The following TRIM72 variants were observed in gnomAD, a reference collection of about 807,000 sequenced individuals.
The protein encoded by TRIM72 is tripartite motif containing 72, also known as tripartite motif-containing protein 72.
A neutral mutation model predicts 31.6 loss-of-function variants in TRIM72; 33 were observed. The observed-to-expected ratio is 1.04, with a 90% CI of 0.79 to 1.40. The LOEUF is 1.40. Ranked by LOEUF, TRIM72 falls within the 40% of genes most tolerant of loss-of-function variation. The probability of loss-of-function intolerance (pLI) is 0.00; values close to 1 mark genes in which losing one functional copy is unlikely to be tolerated. For synonymous variants in TRIM72, 301 were observed against 314.4 expected, an observed-to-expected ratio of 0.96 and a Z score of 0.45; for missense variants, 666 against 682.7, an observed-to-expected ratio of 0.98 and a Z score of 0.27.
rs1045470372 is a variant in TRIM72, at chr16:31,215,712, C to T, written c.390+584C>T. Among the ~76,000 whole-genome samples, 1 of 152,198 alleles carries T rather than the reference C, an allele frequency of 6.6e-6. No individual in the cohort carries two copies. The highest frequency in any genetic ancestry group is 1.5e-5 in the Non-Finnish European group (1 of 68,038). On this transcript the variant is annotated intron_variant, in intron 2 of 6. Coordinates refer to ENST00000322122, the MANE Select transcript of TRIM72 (RefSeq NM_001008274.4). This position sits in a 1 kb window ranked among gnomAD's most constrained non-coding sequence, Gnocchi z 6.3. ...AGGGAGACTGTAAGGGCTAGGCAGC[C>T]GGGATCTGCACTTATGTGTGCGGGC...
chr16:31,216,501 A>C lies in TRIM72; in HGVS notation c.390+1373A>C. 2.1e-6 allele frequency: 1 copy of C among 474,414 alleles called. No homozygotes were observed. The highest frequency in any genetic ancestry group is 3.9e-5 in the Admixed American group (1 of 25,548). 29.4% of individuals were successfully genotyped at this position (474,414 alleles called of 1,614,324 possible). A position where few individuals can be genotyped will look rare whatever the true frequency, so the allele number is the denominator to read the frequency against. ...GCCCGTCTTTATCTGCGAAGAAAGCACAGAACCCATGAAACGGAACAGGGC... is the reference window on the plus strand; with the variant it reads ...GCCCGTCTTTATCTGCGAAGAAAGCCCAGAACCCATGAAACGGAACAGGGC... On this transcript the variant is annotated intron_variant, in intron 2 of 6. Transcript: ENST00000322122. This position sits in a 1 kb window ranked among gnomAD's most constrained non-coding sequence, Gnocchi z 6.7.
At chr16:31,218,654 C>T (rs1313434005) in intron 2 of TRIM72, among the ~76,000 whole-genome samples, 3 of 151,754 alleles carry the variant, frequency 2.0e-5, no homozygotes, top group East Asian at 1.9e-4. Flanking sequence ...TGCACTGCAT[C>T]CTGGGTGACA....
Position 31,229,803 on chromosome 16 carries a change from C to A in TRIM72, c.*5048C>A, listed in dbSNP as rs575918563. 6.6e-6 allele frequency: 1 copy of A among 152,252 alleles called. No individual in the cohort carries two copies. Among genetic ancestry groups the A allele is most frequent in the Non-Finnish European group, 1.5e-5 (1 of 68,098 alleles). 9.4% of individuals were successfully genotyped at this position (152,252 alleles called of 1,614,324 possible). ...TAAAACTGCAAGCAAGAACATTTAT[C>A]GTGGCCAGGTGCAGTGGCTCACGCC... On this transcript the variant is annotated 3_prime_UTR_variant, in exon 7 of 7. Coordinates refer to ENST00000322122, the MANE Select transcript of TRIM72 (RefSeq NM_001008274.4).
intron 2 of TRIM72, among the ~76,000 whole-genome samples, chr16:31,217,706 C>T (rs1394000973): frequency 6.6e-6 from 1 of 151,840 alleles, no homozygotes; most frequent in Admixed American, 6.6e-5. Context: ...CCTCCGCCTC[C>T]CTGGTTCAAG....
At chr16:31,214,587 C>T in intron 1 of TRIM72, 145 bp from the exon 2 acceptor site, 1 of 929,316 alleles carries the variant, frequency 1.1e-6, no homozygotes, top group South Asian at 2.3e-5. Flanking sequence ...CCGTCAGAGT[C>T]CCATCCAGTG....
Position 31,220,763 on chromosome 16 carries a change from G to A in TRIM72, c.718-133G>A, listed in dbSNP as rs138076808. On this transcript the variant is annotated intron_variant, in intron 4 of 6. Transcript: ENST00000322122. The stretch of plus-strand genomic sequence containing the variant: ...TGAGATTACAGGCATGAGCCACCTC[G>A]TCTGGCCTCTTTTAGCTTTTCTGAT... 2.7e-5 allele frequency: 33 copies of A among 1,220,978 alleles called. No homozygotes were observed. The African/African-American group carries it at 3.0e-4, about 11-fold the overall frequency. The allele number at this position is 1,220,978 out of a possible 1,614,324, so 75.6% of individuals were successfully genotyped here. A position where few individuals can be genotyped will look rare whatever the true frequency, so the allele number is the denominator to read the frequency against.
chr16:31,230,802 A>C lies in TRIM72; in HGVS notation c.*6047A>C, dbSNP rs544834980. 1.3e-5 allele frequency: 2 copies of C among 149,660 alleles called. No individual in the cohort carries two copies. Among genetic ancestry groups the C allele is most frequent in the East Asian group, 4.0e-4 (2 of 4,956 alleles). The allele number at this position is 149,660 out of a possible 1,614,324, so 9.3% of individuals were successfully genotyped here. A position where few individuals can be genotyped will look rare whatever the true frequency, so the allele number is the denominator to read the frequency against. On this transcript the variant is annotated 3_prime_UTR_variant, in exon 7 of 7. Coordinates refer to ENST00000322122, the MANE Select transcript of TRIM72 (RefSeq NM_001008274.4). ...TTTTGGATGTTAATCTGACCGGGCC[A>C]GTGCACCTAACTAAATAATAAATAA...
Position 31,215,474 on chromosome 16 carries a change from C to T in TRIM72, c.390+346C>T, listed in dbSNP as rs1400330604. ...CAGGCGGAGCAGGGACTGACCAGCC[C>T]CTGCGGCCCACGCTCGCATTCCTGC... On this transcript the variant is annotated intron_variant, in intron 2 of 6. Coordinates refer to ENST00000322122, the MANE Select transcript of TRIM72 (RefSeq NM_001008274.4). This position sits in a 1 kb window ranked among gnomAD's most constrained non-coding sequence, Gnocchi z 6.3. 6.6e-6 allele frequency among the ~76,000 whole-genome samples: 1 copy of T among 152,110 alleles called. No individual in the cohort carries two copies. The highest frequency in any genetic ancestry group is 2.4e-5 in the African/African-American group (1 of 41,426).
rs928161889 is a variant in TRIM72, at chr16:31,224,956, G to T, written c.*201G>T. Reference sequence around the variant, plus strand: ...CTGTAATCCCAGCACTTTGGGAGACGGAGGCGGGTGGATCACCTGAGGTCA... The same window carrying T: ...CTGTAATCCCAGCACTTTGGGAGACTGAGGCGGGTGGATCACCTGAGGTCA... On this transcript the variant is annotated 3_prime_UTR_variant, in exon 7 of 7. Coordinates refer to ENST00000322122, the MANE Select transcript of TRIM72 (RefSeq NM_001008274.4). The T allele has an allele frequency of 1.5e-4, 69 of 466,342 alleles. No homozygotes were observed. Among genetic ancestry groups the T allele is most frequent in the Middle Eastern group, 5.8e-4 (1 of 1,720 alleles). 28.9% of individuals were successfully genotyped at this position (466,342 alleles called of 1,614,324 possible).
Position 31,219,608 on chromosome 16 carries a change from G to A in TRIM72, c.717+89G>A. On this transcript the variant is annotated intron_variant, in intron 4 of 6. Transcript: ENST00000322122. The surrounding 1 kb of genome is among the most constrained non-coding windows in gnomAD (Gnocchi z 4.2). Reference sequence around the variant, plus strand: ...CATTGTCAGATAGGCCCAGAGAGGGGCAGGGATAAGCCAGCAGCACACAGC... The same window carrying A: ...CATTGTCAGATAGGCCCAGAGAGGGACAGGGATAAGCCAGCAGCACACAGC... 4.8e-6 allele frequency: 6 copies of A among 1,247,328 alleles called. No homozygotes were observed. Among genetic ancestry groups the A allele is most frequent in the Non-Finnish European group, 5.6e-6 (5 of 887,860 alleles). The allele number at this position is 1,247,328 out of a possible 1,614,324, so 77.3% of individuals were successfully genotyped here.
intron 6 of TRIM72, 71 bp from the exon 7 acceptor site, chr16:31,224,110 C>T (rs2079544776): frequency 1.3e-5 from 20 of 1,523,936 alleles, no homozygotes; most frequent in Middle Eastern, 1.7e-4. Flanking sequence ...GAAAGCTGGC[C>T]TGCAATTGGT....
Position 31,226,316 on chromosome 16 carries a change from A to C in TRIM72, c.*1561A>C, listed in dbSNP as rs1243022939. 1.3e-5 allele frequency: 2 copies of C among 152,286 alleles called. No individual in the cohort carries two copies. Among genetic ancestry groups the C allele is most frequent in the East Asian group, 3.9e-4 (2 of 5,178 alleles). 9.4% of individuals were successfully genotyped at this position (152,286 alleles called of 1,614,324 possible). ...ACATAAACCAAAGCAAAGACACTTAAGGGCTGGGTACTCATGCCTGTAAAC... is the reference window on the plus strand; with the variant it reads ...ACATAAACCAAAGCAAAGACACTTACGGGCTGGGTACTCATGCCTGTAAAC... On this transcript the variant is annotated 3_prime_UTR_variant, in exon 7 of 7. Transcript: ENST00000322122.
Position 31,219,468 on chromosome 16 carries a change from G to C in TRIM72, c.666G>C (p.Met222Ile), listed in dbSNP as rs769618706. 18 of 1,612,114 alleles carry C rather than the reference G, an allele frequency of 1.1e-5. 1 individual carries two copies. The South Asian group carries it at 1.8e-4, about 16-fold the overall frequency. Residue 222 changes from methionine to isoleucine, a missense_variant, in exon 4 of 7, where the codon ATG becomes ATC. Physicochemically the swap from Met to Ile is conservative, Grantham distance 10. Coordinates refer to ENST00000322122, the MANE Select transcript of TRIM72 (RefSeq NM_001008274.4). This position sits in a 1 kb window ranked among gnomAD's most constrained non-coding sequence, Gnocchi z 4.2. ...LNSYLEQLRQMEKVLEEVADK... is the reference protein window; with the variant it reads ...LNSYLEQLRQIEKVLEEVADK... ...CTTACCTGGAGCAGCTGCGGCAGAT[G>C]GAGAAGGTCCTGGAGGAGGTGGCGG...
Position 31,219,056 on chromosome 16 carries a change from G to A in TRIM72, c.391-39G>A. On this transcript the variant is annotated intron_variant, in intron 2 of 6. Transcript: ENST00000322122. The surrounding 1 kb of genome is among the most constrained non-coding windows in gnomAD (Gnocchi z 4.2). ...GGATGGGAGGTGTGGGTTTTGGGTG[G>A]GTGGCATCCCCATCACTTCTCCATG... 1 of 1,538,596 alleles carries A rather than the reference G, an allele frequency of 6.5e-7. No individual in the cohort carries two copies. The highest frequency in any genetic ancestry group is 8.8e-7 in the Non-Finnish European group (1 of 1,137,508).
At chr16:31,222,790 C>T (rs769778312) in intron 5 of TRIM72, 37 bp from the exon 6 acceptor site, 2 of 725,074 alleles carry the variant, frequency 2.8e-6, no homozygotes, top group Non-Finnish European at 2.2e-6. Context: ...TGTCCTCCCC[C>T]CTCACACATG....
chr16:31,214,990 C>A lies in TRIM72; in HGVS notation c.252C>A (p.Gly84=). The A allele has an allele frequency of 6.7e-7, 1 of 1,497,028 alleles. No individual in the cohort carries two copies. The highest frequency in any genetic ancestry group is 8.8e-7 in the Non-Finnish European group (1 of 1,130,994). 92.7% of individuals were successfully genotyped at this position (1,497,028 alleles called of 1,614,324 possible). A position where few individuals can be genotyped will look rare whatever the true frequency, so the allele number is the denominator to read the frequency against. ...AGGGGCTGGCCCAGGTGCCGCAGGGCCACTGCGAGGAGCACCTGGACCCGC... is the reference window on the plus strand; with the variant it reads ...AGGGGCTGGCCCAGGTGCCGCAGGGACACTGCGAGGAGCACCTGGACCCGC... ...LVEGLAQVPQ[G]HCEEHLDPLS... is the part of the protein sequence containing the mutation. The change falls in exon 2 of 7, where the codon GGC becomes GGA. Residue 84 remains glycine, a synonymous_variant. Coordinates refer to ENST00000322122, the MANE Select transcript of TRIM72 (RefSeq NM_001008274.4).
intron 1 of TRIM72, 52 bp from the exon 2 acceptor site, chr16:31,214,680 G>A: frequency 3.5e-6 from 5 of 1,437,544 alleles, no homozygotes; most frequent in South Asian, 1.5e-5. Context: ...CCAGGGCTGG[G>A]CCGGGAGCGC....
chr16:31,224,090 T>G, intron 6 of TRIM72, 91 bp from the exon 7 acceptor site: 28 of 1,404,106 alleles, frequency 2.0e-5, no homozygotes, highest in South Asian at 2.6e-5. Context: ...GCCAAGAGGA[T>G]TAGGGGAGAG....
In TRIM72 at chr16:31,214,900, C is replaced by T. The variant is rs768898989; in HGVS notation, c.162C>T (p.Pro54=). The change falls in exon 2 of 7, where the codon CCC becomes CCT. Residue 54 remains proline (P), a synonymous_variant. Coordinates refer to ENST00000322122, the MANE Select transcript of TRIM72 (RefSeq NM_001008274.4). ...CGGCGGATGGCACCGTTCTCTGCCC[C>T]TGCTGCCAGGCCCCCACGCGGCCGC... ...EPAADGTVLC[P]CCQAPTRPQA... The T allele has an allele frequency of 3.3e-5, 50 of 1,520,876 alleles. No homozygotes were observed. Among genetic ancestry groups the T allele is most frequent in the Non-Finnish European group, 3.5e-5 (40 of 1,141,708 alleles). 94.2% of individuals were successfully genotyped at this position (1,520,876 alleles called of 1,614,324 possible). A position where few individuals can be genotyped will look rare whatever the true frequency, so the allele number is the denominator to read the frequency against.
Sources: gnomAD v4.1 joint callset for allele counts (sites outside exome capture counted in the v4.1 genomes callset) on GRCh38, gnomAD v4.1.1 for gene constraint, Gnocchi (gnomAD v3.1) non-coding constraint, MANE v1.5 for transcripts, NCBI Gene and HGNC (gene_info 2026-07-23, HGNC 2026-07-21) for gene names.